Variants in CRK observed in about 807,000 individuals in gnomAD.
The protein encoded by CRK is adapter molecule crk.
In CRK, 4 loss-of-function variants were observed where a neutral mutation model predicts 29.8. That is an observed-to-expected ratio of 0.13 (90% confidence interval 0.07 to 0.31). The LOEUF is 0.31. CRK is among the 10% of genes least tolerant of loss of function. The pLI is 1.00. For missense variants in CRK, 274 were observed against 396.5 expected (o/e 0.69, Z 2.62); for synonymous variants, 153 against 164.9 (o/e 0.93, Z 0.55).
intron 2 of CRK, among the ~76,000 whole-genome samples, chr17:1,427,270 A>G (rs1380385332): frequency 6.7e-6 from 1 of 149,166 alleles, no homozygotes; most frequent in African/African-American, 2.5e-5. Flanking sequence ...CCTGGTGGAG[A>G]GACCAAGATT....
intron 1 of CRK, among the ~76,000 whole-genome samples, chr17:1,440,326 T>C (rs948641582): frequency 1.4e-5 from 2 of 145,828 alleles, no homozygotes; most frequent in Admixed American, 1.4e-4. Context: ...TAGCCAGGCA[T>C]AGTGGTGCAT....
At chr17:1,427,548 A>G (rs1025642418) in intron 2 of CRK, among the ~76,000 whole-genome samples, 9 of 151,062 alleles carry the variant, frequency 6.0e-5, no homozygotes, top group Admixed American at 2.6e-4. Flanking sequence ...AGCCGAGATC[A>G]CGCCACTGCA....
rs567063714 is a variant in CRK, at chr17:1,456,199, G to A, written c.-82C>T. On this transcript the variant is annotated 5_prime_UTR_variant, in exon 1 of 3. Coordinates refer to ENST00000300574, the MANE Select transcript of CRK (RefSeq NM_016823.4). ...CCGGCGCCCGCCGCCCAGCGGACCG[G>A]CTCCGGTTTCAGCTTCACAGCAGCG... 214 of 1,350,252 alleles carry A rather than the reference G, an allele frequency of 1.6e-4. 1 individual carries two copies. The African/African-American group carries it at 2.8e-3, about 17-fold the overall frequency. 83.6% of individuals were successfully genotyped at this position (1,350,252 alleles called of 1,614,324 possible).
In CRK at chr17:1,436,824, T is replaced by C; in HGVS notation, c.573A>G (p.Arg191=). The C allele has an allele frequency of 6.3e-7, 1 of 1,591,254 alleles. No individual in the cohort carries two copies. The highest frequency in any genetic ancestry group is 1.2e-5 in the South Asian group (1 of 86,826). Residue 191 remains arginine, a synonymous_variant, in exon 2 of 3, where the codon AGA becomes AGG. Coordinates refer to ENST00000300574, the MANE Select transcript of CRK (RefSeq NM_016823.4). The part of the protein sequence containing the change: ...MIPVPYVEKY[R]PASASVSALI... ...GAGCCGATACTGAGGCGGAGGCAGGTCTATACTTCTCGACGTAAGGGACTG... is the reference window on the plus strand; with the variant it reads ...GAGCCGATACTGAGGCGGAGGCAGGCCTATACTTCTCGACGTAAGGGACTG...
At chr17:1,440,051 G>A (rs916330804) in intron 1 of CRK, among the ~76,000 whole-genome samples, 4 of 152,066 alleles carry the variant, frequency 2.6e-5, no homozygotes, top group Admixed American at 2.6e-4. Context: ...TGTAATCCCA[G>A]CACTTTGGGA....
intron 1 of CRK, among the ~76,000 whole-genome samples, chr17:1,453,422 T>C (rs1323099449): frequency 6.6e-6 from 1 of 152,172 alleles, no homozygotes; most frequent in Non-Finnish European, 1.5e-5. Flanking sequence ...CAATGACAGT[T>C]TGCCATCATG....
chr17:1,426,576 A>C (rs1288403936), intron 2 of CRK: 1 of 151,998 alleles, frequency 6.6e-6, no homozygotes, highest in African/African-American at 2.4e-5. Context: ...ACAAAAAATA[A>C]AAAAATTGGC....
chr17:1,455,731 G>T, intron 1 of CRK, 146 bp downstream of exon 1: 1 of 1,215,040 alleles, frequency 8.2e-7, no homozygotes, highest in Non-Finnish European at 1.1e-6. Flanking sequence ...GTGAGAGCGA[G>T]CCCGAGCAGC....
intron 2 of CRK, among the ~76,000 whole-genome samples, chr17:1,425,356 T>C (rs1020052430): frequency 6.6e-6 from 1 of 152,124 alleles, no homozygotes; most frequent in East Asian, 1.9e-4. Flanking sequence ...CCTCCCAAAG[T>C]GCTATGATTA....
intron 2 of CRK, among the ~76,000 whole-genome samples, chr17:1,424,067 G>GTTTTTTTTT (rs58338503): frequency 9.1e-6 from 1 of 109,836 alleles, no homozygotes; most frequent in Non-Finnish European, 1.8e-5. Context: ...AGCTTTCTCC[G>GTTTTTTTTT]TTTTTTTTTT....
chr17:1,426,979 C>A (rs1160935998), intron 2 of CRK, among the ~76,000 whole-genome samples: 1 of 130,572 alleles, frequency 7.7e-6, no homozygotes, highest in African/African-American at 2.9e-5. Flanking sequence ...TTGCAGTGAG[C>A]CAAGATAGTA....
chr17:1,436,839 G>A lies in CRK; in HGVS notation c.558C>T (p.Tyr186=), dbSNP rs1208010282. The change falls in exon 2 of 3, where the codon TAC becomes TAT. Residue 186 remains tyrosine (Y), a synonymous_variant. Coordinates refer to ENST00000300574, the MANE Select transcript of CRK (RefSeq NM_016823.4). ...CGGAGGCAGGTCTATACTTCTCGAC[G>A]TAAGGGACTGGAATCATCCCTCTCT... The part of the protein sequence containing the change: ...EGKRGMIPVP[Y]VEKYRPASAS... 18 of 1,599,502 alleles carry A rather than the reference G, an allele frequency of 1.1e-5. No homozygotes were observed. Among genetic ancestry groups the A allele is most frequent in the South Asian group, 2.3e-5 (2 of 88,810 alleles).
intron 2 of CRK, among the ~76,000 whole-genome samples, chr17:1,430,520 C>A (rs1390914110): frequency 6.7e-6 from 1 of 149,260 alleles, no homozygotes; most frequent in African/African-American, 2.5e-5. Flanking sequence ...CCACGTCCGG[C>A]TAATTTTTTG....
intron 2 of CRK, among the ~76,000 whole-genome samples, chr17:1,435,983 G>A (rs1049912597): frequency 6.6e-6 from 1 of 152,002 alleles, no homozygotes; most frequent in Admixed American, 6.6e-5. Context: ...GAAGGAAGTG[G>A]GCTGCCAAAG....
chr17:1,442,899 G>C (rs911714371), intron 1 of CRK, among the ~76,000 whole-genome samples: 3 of 150,972 alleles, frequency 2.0e-5, no homozygotes, highest in African/African-American at 7.3e-5. Context: ...GAGCCACTGT[G>C]CCTGGTATGT....
intron 2 of CRK, chr17:1,426,485 A>T (rs1043896814): frequency 1.3e-5 from 2 of 152,110 alleles, no homozygotes; most frequent in Non-Finnish European, 2.9e-5. Context: ...TAATCCCAGC[A>T]CTTTGGGAGG....
Position 1,423,112 on chromosome 17 carries a change from C to T in CRK, c.*401G>A, listed in dbSNP as rs1051366750. 3.8e-5 allele frequency: 16 copies of T among 424,646 alleles called. No homozygotes were observed. The highest frequency in any genetic ancestry group is 1.2e-4 in the African/African-American group (6 of 48,954). 26.3% of individuals were successfully genotyped at this position (424,646 alleles called of 1,614,324 possible). On this transcript the variant is annotated 3_prime_UTR_variant, in exon 3 of 3. Transcript: ENST00000300574. ...ACGGGGGTGGAACGGAACAGTCTGTCGCCATTTGATAGTATGGTTCCAGAA... is the reference window on the plus strand; with the variant it reads ...ACGGGGGTGGAACGGAACAGTCTGTTGCCATTTGATAGTATGGTTCCAGAA...
intron 1 of CRK, among the ~76,000 whole-genome samples, chr17:1,449,032 C>G (rs2073997998): frequency 6.6e-6 from 1 of 152,160 alleles, no homozygotes; most frequent in Non-Finnish European, 1.5e-5. Flanking sequence ...CAGTCTCACG[C>G]TACCTCCAGA....
chr17:1,445,116 C>G (rs961154591), intron 1 of CRK, among the ~76,000 whole-genome samples: 1 of 151,268 alleles, frequency 6.6e-6, no homozygotes, highest in Non-Finnish European at 1.5e-5. Flanking sequence ...CCACTGTACT[C>G]CAGCCTGGGC....
Sources: allele counts gnomAD v4.1 joint callset (sites outside exome capture counted in the v4.1 genomes callset), GRCh38; gene constraint gnomAD v4.1.1; transcripts MANE v1.5; gene names NCBI Gene and HGNC (gene_info 2026-07-23, HGNC 2026-07-21).